Variants in MAP4K5 observed in about 807,000 individuals in gnomAD.
MAP4K5 encodes the protein MAPK/ERK kinase kinase kinase 5.
Under a neutral mutation model 135.6 loss-of-function variants are expected in MAP4K5, and 82 were observed. The ratio of observed to expected loss-of-function variants is 0.60; its 90% CI spans 0.51 to 0.73. MAP4K5 has a LOEUF of 0.73. MAP4K5 is among the 30% of genes least tolerant of loss of function. MAP4K5 has a pLI of 0.00. For missense variants in MAP4K5, 907 were observed against 1,010.9 expected (o/e 0.90, Z 1.39); for synonymous variants, 347 against 335.0 (o/e 1.04, Z -0.39).
chr14:50,491,122 A>T (rs2037475366), intron 3 of MAP4K5, among the ~76,000 whole-genome samples: 1 of 152,120 alleles, frequency 6.6e-6, no homozygotes, highest in African/African-American at 2.4e-5. Context: ...TAAAAGCAGC[A>T]GACCCTCAGA....
intron 29 of MAP4K5, 39 bp downstream of exon 29, chr14:50,429,153 A>T: frequency 2.6e-6 from 3 of 1,152,382 alleles, no homozygotes; most frequent in Non-Finnish European, 3.7e-6. Flanking sequence ...TTGCTTTATC[A>T]AGTAGTATAC....
At position 50,476,087 on chromosome 14, in the gene MAP4K5, TA is replaced by T. The variant is rs761965276; in HGVS notation, c.469+40del. On this transcript the variant is annotated intron_variant, in intron 8 of 32. Coordinates refer to ENST00000682126, the MANE Select transcript of MAP4K5 (RefSeq NM_006575.6). ...TATAAAAATTTTATTAAAATGTCAT[TA>T]AATTTTTGGAAAAAATTTTAGGAAT... 8 of 1,194,212 alleles carry T rather than the reference TA, an allele frequency of 6.7e-6. No homozygotes were observed. In the South Asian group the frequency reaches 1.0e-4, roughly 15 times the overall value. The allele number at this position is 1,194,212 out of a possible 1,614,324, so 74.0% of individuals were successfully genotyped here.
chr14:50,477,674 T>C (rs1448589519), intron 6 of MAP4K5, among the ~76,000 whole-genome samples: 1 of 152,180 alleles, frequency 6.6e-6, no homozygotes, highest in East Asian at 1.9e-4. Context: ...TCAGAACTTT[T>C]TTTTATCAGG....
intron 9 of MAP4K5, among the ~76,000 whole-genome samples, chr14:50,469,633 A>C (rs955660954): frequency 2.6e-5 from 4 of 152,152 alleles, no homozygotes; most frequent in Non-Finnish European, 5.9e-5. Context: ...GAACAGAATG[A>C]AAGGGGTTAA....
chr14:50,445,236 T>C (rs1192502899), intron 17 of MAP4K5, 42 bp from the exon 18 acceptor site: 4 of 1,585,940 alleles, frequency 2.5e-6, no homozygotes, highest in Non-Finnish European at 1.7e-6. Context: ...CAGTTATCAT[T>C]AGGCATCAGA....
rs2035667216 is a variant in MAP4K5, at chr14:50,419,093, A to G, written c.*926T>C. Reference sequence around the variant, plus strand: ...GCATAGTATAAGTAAAATACATATCATGGGCAATTAAATACTTCCCCCTGC... The same window carrying G: ...GCATAGTATAAGTAAAATACATATCGTGGGCAATTAAATACTTCCCCCTGC... On this transcript the variant is annotated 3_prime_UTR_variant, in exon 33 of 33. Coordinates refer to ENST00000682126, the MANE Select transcript of MAP4K5 (RefSeq NM_006575.6). The G allele has an allele frequency of 6.6e-6, 1 of 152,158 alleles. No individual in the cohort carries two copies. The highest frequency in any genetic ancestry group is 1.5e-5 in the Non-Finnish European group (1 of 67,988). The allele number at this position is 152,158 out of a possible 1,614,324, so 9.4% of individuals were successfully genotyped here.
chr14:50,466,672 C>A (rs1595473861), intron 10 of MAP4K5, 27 bp from the exon 11 acceptor site: 1 of 1,033,798 alleles, frequency 9.7e-7, no homozygotes. Context: ...AGTTAAAGAA[C>A]AATATCAAAA....
chr14:50,471,184 G>A (rs2036952947), intron 9 of MAP4K5, among the ~76,000 whole-genome samples: 1 of 151,990 alleles, frequency 6.6e-6, no homozygotes, highest in Admixed American at 6.6e-5. Flanking sequence ...CCTAACCCCT[G>A]TTGTACCAAT....
chr14:50,430,377 ACT>A lies in MAP4K5; in HGVS notation c.2165-1119_2165-1118del, dbSNP rs368463312. On this transcript the variant is annotated intron_variant, in intron 28 of 32. Transcript: ENST00000682126. ...TGGCCACTGTGATTTCTAATACAGA[ACT>A]CTCTAGAGACACTGAGGTCACAAGC... Among the ~76,000 whole-genome samples the A allele has an allele frequency of 1.7e-4, 26 of 152,290 alleles. 1 individual carries two copies. The East Asian group carries it at 5.0e-3, about 29-fold the overall frequency.
At chr14:50,434,636 A>ACTTT in intron 27 of MAP4K5, 65 bp from the exon 28 acceptor site, 6 of 1,424,780 alleles carry the variant, frequency 4.2e-6, no homozygotes, top group East Asian at 2.5e-5. Flanking sequence ...ACCACTGTTG[A>ACTTT]ATAAAGTCAA....
At chr14:50,468,448 T>G (rs1162009595) in intron 10 of MAP4K5, 1 of 542,260 alleles carries the variant, frequency 1.8e-6, no homozygotes. Flanking sequence ...AACAAGGAGC[T>G]TGATCTGTAA....
chr14:50,464,942 G>C (rs2036798469), intron 11 of MAP4K5, among the ~76,000 whole-genome samples: 1 of 152,174 alleles, frequency 6.6e-6, no homozygotes, highest in Non-Finnish European at 1.5e-5. Context: ...AGCATTTATA[G>C]CTAACAGTCA....
chr14:50,493,992 A>C (rs975920221), intron 3 of MAP4K5, among the ~76,000 whole-genome samples: 1 of 151,684 alleles, frequency 6.6e-6, no homozygotes, highest in Non-Finnish European at 1.5e-5. Context: ...CATCGCAAAA[A>C]AAAACAAAAA....
intron 12 of MAP4K5, 23 bp downstream of exon 12, chr14:50,464,029 C>A: frequency 8.0e-6 from 11 of 1,374,124 alleles, no homozygotes; most frequent in Non-Finnish European, 1.0e-5. Context: ...ATAGGAAGAC[C>A]CCTCGTAATT....
chr14:50,509,837 C>T (rs1027767296), intron 2 of MAP4K5, among the ~76,000 whole-genome samples: 8 of 152,124 alleles, frequency 5.3e-5, no homozygotes, highest in African/African-American at 1.7e-4. Context: ...TTAAAATTTT[C>T]ACTGGACTCC....
intron 1 of MAP4K5, among the ~76,000 whole-genome samples, chr14:50,553,140 C>CA (rs1013804269): frequency 1.3e-5 from 2 of 151,382 alleles, no homozygotes; most frequent in Non-Finnish European, 2.9e-5. Context: ...ACTAAAAATA[C>CA]AAAAAAATAG....
chr14:50,449,765 C>T (rs1046901962), intron 14 of MAP4K5: 1 of 151,944 alleles, frequency 6.6e-6, no homozygotes, highest in African/African-American at 2.4e-5. Flanking sequence ...AATGACTTAA[C>T]GTAATTAAAA....
upstream of MAP4K5, among the ~76,000 whole-genome samples, chr14:50,535,880 G>A (rs903612123): frequency 1.6e-4 from 25 of 152,162 alleles, no homozygotes; most frequent in African/African-American, 5.8e-4. Flanking sequence ...AGGAGGTAAT[G>A]AATCATGAGG....
chr14:50,440,914 A>G (rs993498159), intron 21 of MAP4K5, among the ~76,000 whole-genome samples: 1 of 152,196 alleles, frequency 6.6e-6, no homozygotes, highest in Admixed American at 6.5e-5. Flanking sequence ...TGGGGCAATA[A>G]AAGTAGATGC....
Sources: gnomAD v4.1 joint callset for allele counts (sites outside exome capture counted in the v4.1 genomes callset) on GRCh38, gnomAD v4.1.1 for gene constraint, MANE v1.5 for transcripts, NCBI Gene and HGNC (gene_info 2026-07-23, HGNC 2026-07-21) for gene names.